The following GFRAL variants were observed in gnomAD, a reference collection of about 807,000 sequenced individuals.
The protein encoded by GFRAL is GDNF family receptor alpha-like.
Under a neutral mutation model 45.4 loss-of-function variants are expected in GFRAL, and 36 were observed. The ratio of observed to expected loss-of-function variants is 0.79; its 90% CI spans 0.61 to 1.05. The LOEUF (loss-of-function observed/expected upper bound fraction) is 1.05, where lower values mean the gene tolerates loss of function less well. Ranked by LOEUF, GFRAL falls within the 50% of genes least tolerant of loss-of-function variation. The pLI is 0.00. For synonymous variants in GFRAL, 166 were observed against 154.1 expected, an observed-to-expected ratio of 1.08 and a Z score of -0.57; for missense variants, 507 against 467.5, an observed-to-expected ratio of 1.08 and a Z score of -0.78.
At chr6:55,387,862 C>G (rs988897969) in intron 6 of GFRAL, among the ~76,000 whole-genome samples, 1 of 152,104 alleles carries the variant, frequency 6.6e-6, no homozygotes, top group African/African-American at 2.4e-5. Context: ...ATGAGAACAA[C>G]GTAATTTTCA....
At chr6:55,379,734 C>T (rs1768582028) in intron 6 of GFRAL, among the ~76,000 whole-genome samples, 1 of 151,964 alleles carries the variant, frequency 6.6e-6, no homozygotes, top group East Asian at 1.9e-4. Flanking sequence ...ACTATAGTCA[C>T]CATGTTGTAC....
At chr6:55,367,934 C>A (rs2127359797) in intron 6 of GFRAL, among the ~76,000 whole-genome samples, 1 of 148,402 alleles carries the variant, frequency 6.7e-6, no homozygotes, top group Non-Finnish European at 1.5e-5. Flanking sequence ...AGTTGCTCTT[C>A]TCGAGGAGTA....
intron 2 of GFRAL, among the ~76,000 whole-genome samples, chr6:55,332,673 C>T (rs1238712507): frequency 6.6e-6 from 1 of 152,048 alleles, no homozygotes; most frequent in Non-Finnish European, 1.5e-5. Context: ...CTGCCTGCCT[C>T]GGCCTCCCAA....
intron 6 of GFRAL, among the ~76,000 whole-genome samples, chr6:55,368,052 C>T (rs1413441856): frequency 3.4e-5 from 5 of 148,640 alleles, no homozygotes; most frequent in African/African-American, 1.0e-4. Flanking sequence ...AACTTGGTTC[C>T]ATTCTCCCCA....
intron 3 of GFRAL, among the ~76,000 whole-genome samples, chr6:55,335,625 A>T (rs1767881023): frequency 6.6e-6 from 1 of 152,160 alleles, no homozygotes; most frequent in African/African-American, 2.4e-5. Context: ...ATCCAGTACA[A>T]GATATAAGTC....
At chr6:55,395,528 AT>A (rs35488279) in intron 6 of GFRAL, among the ~76,000 whole-genome samples, 2 of 151,884 alleles carry the variant, frequency 1.3e-5, no homozygotes, top group East Asian at 1.9e-4. Flanking sequence ...AGATACAGGC[AT>A]TTTTTCCCCC....
At chr6:55,346,663 C>G (rs1768046183) in intron 3 of GFRAL, among the ~76,000 whole-genome samples, 1 of 151,868 alleles carries the variant, frequency 6.6e-6, no homozygotes. Flanking sequence ...GCACGTTGTG[C>G]ACATGTACCC....
At chr6:55,357,844 A>G (rs1203472801) in intron 5 of GFRAL, among the ~76,000 whole-genome samples, 5 of 151,844 alleles carry the variant, frequency 3.3e-5, no homozygotes, top group African/African-American at 1.2e-4. Flanking sequence ...CATATTTAAA[A>G]TGAATAAATA....
chr6:55,368,936 C>A (rs901769885), intron 6 of GFRAL, among the ~76,000 whole-genome samples: 1 of 152,220 alleles, frequency 6.6e-6, no homozygotes, highest in South Asian at 2.1e-4. Context: ...CCTACAGAGG[C>A]AGGCAGGCCT....
intron 6 of GFRAL, among the ~76,000 whole-genome samples, chr6:55,375,690 T>C (rs1030215563): frequency 2.0e-5 from 3 of 152,094 alleles, no homozygotes; most frequent in Admixed American, 6.6e-5. Context: ...CCTTGTCTTG[T>C]GTCACTTTGC....
intron 6 of GFRAL, 108 bp downstream of exon 6, chr6:55,359,246 A>T: frequency 2.3e-6 from 2 of 875,016 alleles, no homozygotes; most frequent in South Asian, 4.0e-5. Context: ...TCCAGCACAG[A>T]CATTTTTGTG....
intron 6 of GFRAL, among the ~76,000 whole-genome samples, chr6:55,385,588 A>C (rs2127364201): frequency 6.6e-6 from 1 of 152,278 alleles, no homozygotes; most frequent in Non-Finnish European, 1.5e-5. Flanking sequence ...GCCAGAATTT[A>C]AACATAGCTG....
At chr6:55,335,212 C>T (rs1463354334) in intron 3 of GFRAL, among the ~76,000 whole-genome samples, 1 of 152,024 alleles carries the variant, frequency 6.6e-6, no homozygotes, top group East Asian at 1.9e-4. Context: ...TTAATTTGCA[C>T]TTAATTATAA....
At position 55,340,982 on chromosome 6, in the gene GFRAL, G is replaced by A. The variant is rs183185050; in HGVS notation, c.316+7038G>A. On this transcript the variant is annotated intron_variant, in intron 3 of 8. Coordinates refer to ENST00000340465, the MANE Select transcript of GFRAL (RefSeq NM_207410.2). ...GCAGCAGCGAGGCTGAGGGAGGGAC[G>A]CCTGTCATTGCTGAGGCTTGAGAAG... 1.1e-3 allele frequency among the ~76,000 whole-genome samples: 172 copies of A among 152,278 alleles called. 2 individuals are homozygous for A. Among genetic ancestry groups the A allele is most frequent in the Non-Finnish European group, 2.1e-4 (14 of 68,032 alleles).
At chr6:55,359,241 C>A (rs1768241390) in intron 6 of GFRAL, 103 bp downstream of exon 6, 2 of 906,618 alleles carry the variant, frequency 2.2e-6, no homozygotes, top group South Asian at 1.9e-5. Context: ...GGTAATCCAG[C>A]ACAGACATTT....
intron 6 of GFRAL, among the ~76,000 whole-genome samples, chr6:55,375,083 T>C (rs1325812092): frequency 2.6e-5 from 4 of 152,184 alleles, no homozygotes; most frequent in African/African-American, 9.7e-5. Flanking sequence ...TTCCTTTTGC[T>C]TAGGACTGTC....
At chr6:55,400,924 T>C (rs1164329941) in intron 8 of GFRAL, among the ~76,000 whole-genome samples, 1 of 152,204 alleles carries the variant, frequency 6.6e-6, no homozygotes, top group Non-Finnish European at 1.5e-5. Flanking sequence ...GTTCTCAATC[T>C]TTACTTCTTA....
chr6:55,383,332 C>A (rs79047553), intron 6 of GFRAL, among the ~76,000 whole-genome samples: 9,743 of 151,992 alleles, frequency 0.064, 507 homozygotes, highest in African/African-American at 0.14. Flanking sequence ...AATTTACTAT[C>A]CAATCTCATA....
chr6:55,350,943 G>A (rs1211865565), intron 4 of GFRAL, among the ~76,000 whole-genome samples: 1 of 152,038 alleles, frequency 6.6e-6, no homozygotes, highest in Non-Finnish European at 1.5e-5. Context: ...TGCAATTTCT[G>A]AAGATTTATC....
Sources: gnomAD v4.1 joint callset for allele counts (sites outside exome capture counted in the v4.1 genomes callset) on GRCh38, gnomAD v4.1.1 for gene constraint, MANE v1.5 for transcripts, NCBI Gene and HGNC (gene_info 2026-07-23, HGNC 2026-07-21) for gene names.